Variants in NRXN1 observed in about 807,000 individuals in gnomAD.
NRXN1 encodes the protein neurexin-1.
In NRXN1, 39 loss-of-function variants were observed where a neutral mutation model predicts 150.9. The observed-to-expected ratio is 0.26, with a 90% CI of 0.20 to 0.34. The LOEUF (loss-of-function observed/expected upper bound fraction) is 0.34. NRXN1 is among the 10% of genes least tolerant of loss of function. The probability of loss-of-function intolerance (pLI) is 1.00; values close to 1 mark genes in which losing one functional copy is unlikely to be tolerated. For synonymous variants in NRXN1, 924 were observed against 757.0 expected (o/e 1.22, Z -3.62); for missense variants, 1,815 against 1,949.9 (o/e 0.93, Z 1.30).
At chr2:50,046,768 C>G (rs1352502685) in intron 21 of NRXN1, among the ~76,000 whole-genome samples, 2 of 152,148 alleles carry the variant, frequency 1.3e-5, no homozygotes, top group Non-Finnish European at 2.9e-5. Flanking sequence ...CCCTTGACCA[C>G]TATGCATAGT....
intron 2 of NRXN1, among the ~76,000 whole-genome samples, chr2:51,018,563 G>A (rs934184360): frequency 1.3e-5 from 2 of 151,968 alleles, no homozygotes; most frequent in East Asian, 3.9e-4. Flanking sequence ...AGCCAAACAC[G>A]CTTAGCCAAA....
chr2:50,243,312 C>T (rs1164015526), intron 17 of NRXN1, among the ~76,000 whole-genome samples: 5 of 151,270 alleles, frequency 3.3e-5, no homozygotes, highest in African/African-American at 1.2e-4. Context: ...AAAAACAAAA[C>T]ACAATAAATA....
chr2:50,348,054 G>C (rs953851429), intron 17 of NRXN1, among the ~76,000 whole-genome samples: 2 of 152,174 alleles, frequency 1.3e-5, no homozygotes, highest in African/African-American at 4.8e-5. Flanking sequence ...CAATGGTTTA[G>C]ATGTAACCAG....
At chr2:50,296,645 A>G (rs937505780) in intron 17 of NRXN1, among the ~76,000 whole-genome samples, 1 of 151,784 alleles carries the variant, frequency 6.6e-6, no homozygotes, top group Non-Finnish European at 1.5e-5. Flanking sequence ...TTTAAAATAC[A>G]TTTGTAGAGA....
intron 18 of NRXN1, among the ~76,000 whole-genome samples, chr2:50,196,212 T>C (rs1023595632): frequency 5.9e-5 from 9 of 152,206 alleles, no homozygotes; most frequent in African/African-American, 2.2e-4. Flanking sequence ...TATAAGTGCA[T>C]GTTCTTAGAT....
intron 18 of NRXN1, among the ~76,000 whole-genome samples, chr2:50,187,151 C>G (rs2061130725): frequency 6.6e-6 from 1 of 151,986 alleles, no homozygotes; most frequent in African/African-American, 2.4e-5. Flanking sequence ...ACATGTGCAA[C>G]TGTATAGCAT....
intron 21 of NRXN1, chr2:50,022,725 T>C (rs1412826138): frequency 3.9e-5 from 6 of 152,234 alleles, no homozygotes; most frequent in African/African-American, 1.2e-4. Flanking sequence ...TCTCAATTTT[T>C]ACAAAAAGAG....
Position 51,028,314 on chromosome 2 carries a change from A to C in NRXN1, c.-41T>G. 1 of 1,362,564 alleles carries C rather than the reference A, an allele frequency of 7.3e-7. No individual in the cohort carries two copies. The allele number at this position is 1,362,564 out of a possible 1,614,324, so 84.4% of individuals were successfully genotyped here. On this transcript the variant is annotated 5_prime_UTR_variant, in exon 2 of 23. Transcript: ENST00000401669. ...GCGGCGGGGGGGTGCCGGGGCCGAC[A>C]GGGTCAAAATGGTCCTGGACACCGT...
At chr2:50,604,959 C>T (rs1676856932) in intron 8 of NRXN1, among the ~76,000 whole-genome samples, 1 of 152,172 alleles carries the variant, frequency 6.6e-6, no homozygotes. Flanking sequence ...CCTCAATTCT[C>T]CCAAGGAGGA....
chr2:51,015,513 C>T (rs779613448), intron 2 of NRXN1, among the ~76,000 whole-genome samples: 5 of 152,014 alleles, frequency 3.3e-5, no homozygotes, highest in Non-Finnish European at 7.4e-5. Flanking sequence ...CCTCTGGGAA[C>T]ATGAACAGCT....
chr2:49,985,725 A>G (rs1054762880), intron 21 of NRXN1, among the ~76,000 whole-genome samples: 1 of 152,172 alleles, frequency 6.6e-6, no homozygotes, highest in Non-Finnish European at 1.5e-5. Context: ...CTACAACCTC[A>G]TCTGCTCCTT....
chr2:50,091,220 T>C, intron 19 of NRXN1, 103 bp downstream of exon 19: 1 of 1,328,596 alleles, frequency 7.5e-7, no homozygotes, highest in Non-Finnish European at 1.1e-6. Flanking sequence ...TAGTTGATGG[T>C]TTCTCAGAAA....
intron 18 of NRXN1, among the ~76,000 whole-genome samples, chr2:50,232,578 G>A (rs959986446): frequency 6.6e-6 from 1 of 151,296 alleles, no homozygotes. Context: ...GTAGAGATGG[G>A]GTTTCACCTT....
chr2:50,278,244 A>ATATATGTATTATATATAT (rs1558436763), intron 17 of NRXN1, among the ~76,000 whole-genome samples: 35 of 123,648 alleles, frequency 2.8e-4, no homozygotes, highest in Middle Eastern at 3.9e-3. Flanking sequence ...TATATATAAT[A>ATATATGTATTATATATAT]TATATATATA....
At position 50,787,601 on chromosome 2, in the gene NRXN1, C is replaced by A. The variant is rs190615695; in HGVS notation, c.832+134268G>T. Reference sequence around the variant, plus strand: ...AACAAAACAACAACAACAACAACAACAACAAAAACAAGAAAACAGAAAATC... The same window carrying A: ...AACAAAACAACAACAACAACAACAAAAACAAAAACAAGAAAACAGAAAATC... On this transcript the variant is annotated intron_variant, in intron 5 of 22. Coordinates refer to ENST00000401669, the MANE Select transcript of NRXN1 (RefSeq NM_001330078.2). Among the ~76,000 whole-genome samples the A allele has an allele frequency of 3.4e-5, 5 of 147,802 alleles. No individual in the cohort carries two copies. The East Asian group carries it at 8.1e-4, about 24-fold the overall frequency.
rs1484871892 is a variant in NRXN1 at position 50,516,677 on chromosome 2, C to G, written c.2375-10060G>C. On this transcript the variant is annotated intron_variant, in intron 12 of 22. Transcript: ENST00000401669. ...CTCCTTTCTCTTTTCCTTCTCTATT[C>G]CTCCTCAAGTGCTCCTCAATTTAGC... Among the ~76,000 whole-genome samples, 3 of 152,104 alleles carry G rather than the reference C, an allele frequency of 2.0e-5. No homozygotes were observed. In the South Asian group the frequency reaches 6.2e-4, roughly 32 times the overall value.
chr2:50,372,215 T>A (rs1217068419), intron 17 of NRXN1, among the ~76,000 whole-genome samples: 1 of 152,090 alleles, frequency 6.6e-6, no homozygotes, highest in East Asian at 1.9e-4. Context: ...CTAAAATCCA[T>A]ATAACAAAAA....
intron 17 of NRXN1, among the ~76,000 whole-genome samples, chr2:50,253,094 TG>T (rs1391228442): frequency 6.6e-6 from 1 of 152,180 alleles, no homozygotes; most frequent in Non-Finnish European, 1.5e-5. Context: ...TCTTGAGCAA[TG>T]GTTTGTAGTT....
intron 5 of NRXN1, among the ~76,000 whole-genome samples, chr2:50,660,568 A>T (rs1476612743): frequency 1.3e-5 from 2 of 151,924 alleles, no homozygotes; most frequent in Non-Finnish European, 2.9e-5. Context: ...AAACATCAAA[A>T]CTCATCTAAT....
Sources: allele counts gnomAD v4.1 joint callset (sites outside exome capture counted in the v4.1 genomes callset), GRCh38; gene constraint gnomAD v4.1.1; transcripts MANE v1.5; gene names NCBI Gene and HGNC (gene_info 2026-07-23, HGNC 2026-07-21).